Variants in KLF13 observed in about 807,000 individuals in gnomAD.
KLF13 encodes the protein KLF transcription factor 13.
A neutral mutation model predicts 16.7 loss-of-function variants in KLF13; 8 were observed. That is an observed-to-expected ratio of 0.48 (90% CI 0.28 to 0.87). KLF13 has a LOEUF of 0.87. Among genes scored for constraint, KLF13 ranks in the 40% least tolerant of loss-of-function variants. The pLI is 0.10. For synonymous variants in KLF13, 245 were observed against 208.4 expected (o/e 1.18, Z -1.51); for missense variants, 447 against 452.2 (o/e 0.99, Z 0.10).
rs142063984 is a variant in KLF13, at chr15:31,342,852, G to A, written c.577+15063G>A. On this transcript the variant is annotated intron_variant, in intron 1 of 1. Transcript: ENST00000307145. The stretch of plus-strand genomic sequence containing the variant: ...CGCACCCCTTTCCTGCTTTATTTCC[G>A]TCTTCCTGTGAGTGTATTTTGTTGT... Among the ~76,000 whole-genome samples the A allele has an allele frequency of 2.0e-3, 299 of 152,198 alleles. 1 individual carries two copies. The highest frequency in any genetic ancestry group is 6.3e-3 in the African/African-American group (261 of 41,538).
intron 1 of KLF13, among the ~76,000 whole-genome samples, chr15:31,384,945 A>G (rs187934647): frequency 2.0e-5 from 3 of 152,270 alleles, no homozygotes; most frequent in East Asian, 1.9e-4. Flanking sequence ...CTAACCCTCA[A>G]TAGGATGGCA....
Position 31,376,932 on chromosome 15 carries a change from C to G in KLF13, c.*4633C>G, listed in dbSNP as rs1469718019. 5 of 144,380 alleles carry G rather than the reference C, an allele frequency of 3.5e-5. No individual in the cohort carries two copies. In the East Asian group the frequency reaches 1.0e-3, roughly 29 times the overall value. The allele number at this position is 144,380 out of a possible 1,614,324, so 8.9% of individuals were successfully genotyped here. On this transcript the variant is annotated 3_prime_UTR_variant, in exon 2 of 2. Transcript: ENST00000307145. ...AATGAACTGGATGGGAGAGAAGTAG[C>G]GTCCCCTACCCTACAAGTCACACAT...
chr15:31,372,478 C>T lies in KLF13; in HGVS notation c.*179C>T, dbSNP rs1341249720. The T allele has an allele frequency of 2.9e-6, 2 of 682,840 alleles. No individual in the cohort carries two copies. The highest frequency in any genetic ancestry group is 6.8e-5 in the Admixed American group (2 of 29,396). 42.3% of individuals were successfully genotyped at this position (682,840 alleles called of 1,614,324 possible). A position where few individuals can be genotyped will look rare whatever the true frequency, so the allele number is the denominator to read the frequency against. Reference sequence around the variant, plus strand: ...AAAAAAACACAAAAATTTCAAAAAACACCACCCACCAAATTGCACAATAGA... The same window carrying T: ...AAAAAAACACAAAAATTTCAAAAAATACCACCCACCAAATTGCACAATAGA... On this transcript the variant is annotated 3_prime_UTR_variant, in exon 2 of 2. Transcript: ENST00000307145.
At chr15:31,341,047 T>C (rs2039014132) in intron 1 of KLF13, among the ~76,000 whole-genome samples, 1 of 152,186 alleles carries the variant, frequency 6.6e-6, no homozygotes, top group African/African-American at 2.4e-5. Flanking sequence ...GCTGTGTCTC[T>C]CTTATTGGAT....
chr15:31,417,355 C>T (rs2040267014), intron 1 of KLF13, among the ~76,000 whole-genome samples: 1 of 151,628 alleles, frequency 6.6e-6, no homozygotes, highest in South Asian at 2.1e-4. Flanking sequence ...ATTAGCCAGG[C>T]ATCATGGTGT....
chr15:31,410,582 AACACACACACACACACACACACACAC>A (rs71110871), intron 1 of KLF13, among the ~76,000 whole-genome samples: 36 of 146,844 alleles, frequency 2.5e-4, no homozygotes, highest in Admixed American at 2.3e-3. Flanking sequence ...AACACCAACC[AACACACACACACACACACACACACAC>A]ACACACACAC....
chr15:31,365,237 T>C (rs1400438848), intron 1 of KLF13, among the ~76,000 whole-genome samples: 1 of 152,144 alleles, frequency 6.6e-6, no homozygotes, highest in Non-Finnish European at 1.5e-5. Flanking sequence ...TGTGCCTCCC[T>C]TTGAGTCTGA....
chr15:31,422,825 A>G (rs1054869650), intron 1 of KLF13, among the ~76,000 whole-genome samples: 5 of 152,048 alleles, frequency 3.3e-5, no homozygotes. Flanking sequence ...ACCTGTGGAC[A>G]GGAGTTTGAG....
At chr15:31,429,141 C>T (rs372588318) in intron 1 of KLF13, among the ~76,000 whole-genome samples, 2,626 of 152,164 alleles carry the variant, frequency 0.017, 32 homozygotes, top group Middle Eastern at 0.031. Flanking sequence ...TCTGTATGTT[C>T]ATTTAATTGA....
Position 31,372,936 on chromosome 15 carries a change from T to C in KLF13, c.*637T>C, listed in dbSNP as rs1333879309. 6.6e-6 allele frequency: 1 copy of C among 152,354 alleles called. No individual in the cohort carries two copies. The highest frequency in any genetic ancestry group is 1.5e-5 in the Non-Finnish European group (1 of 68,146). The allele number at this position is 152,354 out of a possible 1,614,324, so 9.4% of individuals were successfully genotyped here. ...GAGGAGCACTCCACCTTGGGGATAGTGGAGGGGGCCTTCAGCCCTCTGCAC... is the reference window on the plus strand; with the variant it reads ...GAGGAGCACTCCACCTTGGGGATAGCGGAGGGGGCCTTCAGCCCTCTGCAC... On this transcript the variant is annotated 3_prime_UTR_variant, in exon 2 of 2. Transcript: ENST00000307145.
chr15:31,348,027 G>C (rs2039153235), intron 1 of KLF13, among the ~76,000 whole-genome samples: 1 of 152,256 alleles, frequency 6.6e-6, no homozygotes, highest in Non-Finnish European at 1.5e-5. Flanking sequence ...GCCTCAGTGT[G>C]GAGGCTTCTT....
At chr15:31,427,477 A>G (rs981667825) in intron 1 of KLF13, among the ~76,000 whole-genome samples, 10 of 152,224 alleles carry the variant, frequency 6.6e-5, no homozygotes, top group African/African-American at 2.4e-4. Flanking sequence ...TATAGATTCA[A>G]AATTGAAAAC....
At chr15:31,413,571 A>C (rs544796684) in intron 1 of KLF13, among the ~76,000 whole-genome samples, 1 of 152,150 alleles carries the variant, frequency 6.6e-6, no homozygotes, top group African/African-American at 2.4e-5. Flanking sequence ...ACATATTTGA[A>C]GTGTTCAAAG....
rs576033568 is a variant in KLF13, at chr15:31,425,403, A to T, written n.118-9967A>T. On this transcript the variant is annotated intron_variant and non_coding_transcript_variant, in intron 1 of 1. Transcript: ENST00000558225. ...AAAATACTACTCTGACAGTGATCAG[A>T]ATAGTATGATACTGGCATAAAGACC... Among the ~76,000 whole-genome samples, 3 of 152,368 alleles carry T rather than the reference A, an allele frequency of 2.0e-5. No individual in the cohort carries two copies. The East Asian group carries it at 5.8e-4, about 29-fold the overall frequency.
At chr15:31,389,141 C>T (rs928908057), upstream of KLF13, among the ~76,000 whole-genome samples, 1 of 152,172 alleles carries the variant, frequency 6.6e-6, no homozygotes, top group African/African-American at 2.4e-5. Context: ...TCAGCCTACT[C>T]AACATGAAGA....
intron 1 of KLF13, among the ~76,000 whole-genome samples, chr15:31,332,089 GTGGAC>G (rs1404140716): frequency 6.6e-6 from 1 of 152,106 alleles, no homozygotes; most frequent in African/African-American, 2.4e-5. Flanking sequence ...TTGTGTAGTA[GTGGAC>G]TCTGGTGTGT....
intron 1 of KLF13, among the ~76,000 whole-genome samples, chr15:31,421,877 G>A (rs957953552): frequency 1.3e-5 from 2 of 152,152 alleles, no homozygotes; most frequent in African/African-American, 4.8e-5. Flanking sequence ...ATTTTGGGAG[G>A]CCAGGACGGG....
At chr15:31,383,697 G>A (rs373395489) in intron 1 of KLF13, among the ~76,000 whole-genome samples, 9 of 152,158 alleles carry the variant, frequency 5.9e-5, no homozygotes, top group East Asian at 1.9e-4. Context: ...TCAGGAGATC[G>A]AGACCATCCT....
Position 31,423,122 on chromosome 15 carries a change from C to CGTATGTATACGTATATATACGT in KLF13, n.118-12244_118-12243insGTATACGTATATATACGTGTAT, listed in dbSNP as rs2040354158. 1.6e-5 allele frequency among the ~76,000 whole-genome samples: 2 copies of CGTATGTATACGTATATATACGT among 123,256 alleles called. 1 individual carries two copies. The highest frequency in any genetic ancestry group is 7.9e-5 in the African/African-American group (2 of 25,348). 80.9% of individuals were successfully genotyped at this position (123,256 alleles called of 152,430 possible). The stretch of plus-strand genomic sequence containing the variant: ...ATACGTATACGTATACGTATATATA[C>CGTATGTATACGTATATATACGT]GTATATATACGTATACGTATACGTA... On this transcript the variant is annotated intron_variant and non_coding_transcript_variant, in intron 1 of 1. Transcript: ENST00000558225.
Sources: allele counts gnomAD v4.1 joint callset (sites outside exome capture counted in the v4.1 genomes callset), GRCh38; gene constraint gnomAD v4.1.1; transcripts MANE v1.5; gene names NCBI Gene and HGNC (gene_info 2026-07-23, HGNC 2026-07-21).